MCC: variants seen among roughly 807,000 people sequenced by gnomAD.
MCC encodes the protein colorectal mutant cancer protein.
Under a neutral mutation model 116.2 loss-of-function variants are expected in MCC, and 90 were observed. The ratio of observed to expected loss-of-function variants is 0.77; its 90% confidence interval spans 0.65 to 0.92. The LOEUF is 0.92. MCC is among the 40% of genes least tolerant of loss of function. The pLI, the probability that MCC is intolerant of heterozygous loss-of-function variation, is 0.00. For missense variants in MCC, 1,516 were observed against 1,312.2 expected (o/e 1.16, Z -2.40); for synonymous variants, 578 against 510.5 (o/e 1.13, Z -1.78).
At chr5:113,064,438 T>G (rs115780514) in intron 13 of MCC, among the ~76,000 whole-genome samples, 2,022 of 152,358 alleles carry the variant, frequency 0.013, 36 homozygotes, top group Non-Finnish European at 0.017. Context: ...ACCACATTTC[T>G]GTTTCCAGCT....
chr5:113,300,220 G>A (rs1295704706), intron 3 of MCC, among the ~76,000 whole-genome samples: 2 of 152,118 alleles, frequency 1.3e-5, no homozygotes, highest in Non-Finnish European at 2.9e-5. Context: ...CTAGCACTAG[G>A]GAAACTGAAA....
In MCC at chr5:113,254,344, T is replaced by C. The variant is rs367577400; in HGVS notation, c.627+86175A>G. On this transcript the variant is annotated intron_variant, in intron 3 of 18. Transcript: ENST00000408903. The stretch of plus-strand genomic sequence containing the variant: ...AAAATATGTCTAAGAAAAAGGAAAA[T>C]AGAGTCCAAGAAAAGTAGAATTAAG... Among the ~76,000 whole-genome samples, 31 of 152,036 alleles carry C rather than the reference T, an allele frequency of 2.0e-4. 4 individuals carry two copies. Among genetic ancestry groups the C allele is most frequent in the Admixed American group, 7.2e-4 (11 of 15,270 alleles).
intron 1 of MCC, among the ~76,000 whole-genome samples, chr5:113,416,369 T>C (rs940772325): frequency 1.3e-5 from 2 of 152,016 alleles, no homozygotes; most frequent in Non-Finnish European, 1.5e-5. Flanking sequence ...TAGTGTGCTA[T>C]GATCACACCT....
intron 5 of MCC, among the ~76,000 whole-genome samples, chr5:113,134,058 G>C (rs911168202): frequency 1.3e-5 from 2 of 152,130 alleles, no homozygotes; most frequent in Non-Finnish European, 2.9e-5. Context: ...TTCCATTGCT[G>C]TGTGGAAGCT....
intron 3 of MCC, among the ~76,000 whole-genome samples, chr5:113,165,852 C>A (rs1162398504): frequency 6.6e-6 from 1 of 152,038 alleles, no homozygotes; most frequent in African/African-American, 2.4e-5. Context: ...AAATAGCACA[C>A]AGCTTCCCAG....
rs780543701 is a variant in MCC, at chr5:113,049,244, G to A, written c.2504C>T (p.Ala835Val). 6.2e-7 allele frequency: 1 copy of A among 1,612,950 alleles called. No homozygotes were observed. Among genetic ancestry groups the A allele is most frequent in the South Asian group, 1.1e-5 (1 of 90,804 alleles). The change falls in exon 16 of 19, where the codon GCC becomes GTC. Residue 835 changes from alanine to valine, a missense_variant. Physicochemically the swap from Ala to Val is moderately conservative, Grantham distance 64. Transcript: ENST00000408903. The part of the protein sequence containing the change: ...QLYLLEKEKK[A>V]LELKLSTREA... ...CCGCGTGCTCAGCTTCAGCTCCAGG[G>A]CCTTCTTCTCTTTCTCCAGTAGGTA... is the stretch of plus-strand genomic sequence containing the variant.
In MCC at chr5:113,345,269, G is replaced by GT. The variant is rs562863134; in HGVS notation, c.416-4540dup. 1.2e-3 allele frequency among the ~76,000 whole-genome samples: 180 copies of GT among 149,124 alleles called. 1 individual carries two copies. Among genetic ancestry groups the GT allele is most frequent in the Non-Finnish European group, 1.8e-3 (122 of 66,936 alleles). ...GAATAGAGTACCAGGTAGATTTTAC[G>GT]TTTTTTTTTTACTCCAATCCCTGGC... On this transcript the variant is annotated intron_variant, in intron 2 of 18. Coordinates refer to ENST00000408903, the MANE Select transcript of MCC (RefSeq NM_001085377.2).
chr5:113,387,268 A>G lies in MCC; in HGVS notation c.171-2056T>C, dbSNP rs1485286860. 4.6e-5 allele frequency among the ~76,000 whole-genome samples: 7 copies of G among 152,334 alleles called. No individual in the cohort carries two copies. The South Asian group carries it at 8.3e-4, about 18-fold the overall frequency. On this transcript the variant is annotated intron_variant, in intron 1 of 18. Transcript: ENST00000408903. ...TTATTGTTCATGCAAATTAAAGTTC[A>G]TTCTTAAGCTCAGATTTTGTGATTT...
intron 11 of MCC, among the ~76,000 whole-genome samples, chr5:113,077,278 A>G (rs1029793530): frequency 2.0e-5 from 3 of 152,328 alleles, no homozygotes; most frequent in African/African-American, 7.2e-5. Context: ...ATATCCAGGA[A>G]TTGAACTCAG....
chr5:113,310,455 A>C (rs1451488443), intron 3 of MCC, among the ~76,000 whole-genome samples: 1 of 152,240 alleles, frequency 6.6e-6, no homozygotes, highest in Non-Finnish European at 1.5e-5. Context: ...AAAATCACCT[A>C]GTCTGTGGTA....
At chr5:113,400,939 C>T (rs983498229) in intron 1 of MCC, among the ~76,000 whole-genome samples, 57 of 152,148 alleles carry the variant, frequency 3.7e-4, no homozygotes, top group African/African-American at 1.3e-3. Context: ...TATCAGTGTC[C>T]TTCCAAAAAT....
chr5:113,397,651 A>T (rs1769560576), intron 1 of MCC, among the ~76,000 whole-genome samples: 2 of 152,204 alleles, frequency 1.3e-5, no homozygotes, highest in Admixed American at 1.3e-4. Context: ...GAAGAATGAA[A>T]CTGTCCCCTT....
intron 6 of MCC, among the ~76,000 whole-genome samples, chr5:113,108,607 C>T (rs934692793): frequency 4.1e-5 from 6 of 144,918 alleles, no homozygotes; most frequent in African/African-American, 5.2e-5. Context: ...GAGCTGAGAT[C>T]GAGCCATTGC....
chr5:113,132,481 C>T (rs903903177), intron 5 of MCC, among the ~76,000 whole-genome samples: 80 of 95,890 alleles, frequency 8.3e-4, no homozygotes, highest in South Asian at 4.4e-3. Flanking sequence ...CACACACATA[C>T]ATATATATAT....
At position 113,475,824 on chromosome 5, in the gene MCC, GA is replaced by G. The variant is rs555911051; in HGVS notation, c.170+12420del. On this transcript the variant is annotated intron_variant, in intron 1 of 18. Coordinates refer to ENST00000408903, the MANE Select transcript of MCC (RefSeq NM_001085377.2). ...AGTAAAGGACTTTAAGACTTTAAGG[GA>G]AAATAAGTTTTCTCATGTTAGCTAG... is the stretch of plus-strand genomic sequence containing the variant. 4.6e-3 allele frequency among the ~76,000 whole-genome samples: 707 copies of G among 152,292 alleles called. 9 individuals are homozygous for G. The highest frequency in any genetic ancestry group is 0.016 in the African/African-American group (683 of 41,586).
At chr5:113,417,584 C>G (rs894408685) in intron 1 of MCC, among the ~76,000 whole-genome samples, 1 of 152,134 alleles carries the variant, frequency 6.6e-6, no homozygotes, top group Non-Finnish European at 1.5e-5. Context: ...TTCTAAAAGC[C>G]AATGACATTA....
At chr5:113,374,506 T>C (rs1223646169) in intron 2 of MCC, among the ~76,000 whole-genome samples, 1 of 152,160 alleles carries the variant, frequency 6.6e-6, no homozygotes, top group East Asian at 1.9e-4. Flanking sequence ...AGGCAGAGGA[T>C]AGTCAAAAGA....
At chr5:113,093,385 G>A (rs112418427) in intron 8 of MCC, among the ~76,000 whole-genome samples, 2,574 of 152,178 alleles carry the variant, frequency 0.017, 77 homozygotes, top group African/African-American at 0.059. Context: ...CGAGCGCACT[G>A]TGATTACACC....
intron 1 of MCC, among the ~76,000 whole-genome samples, chr5:113,392,051 G>T (rs1364796949): frequency 6.6e-6 from 1 of 152,074 alleles, no homozygotes; most frequent in Non-Finnish European, 1.5e-5. Flanking sequence ...ATGCAATAAG[G>T]AAAATATAAC....
Sources: gnomAD v4.1 joint callset for allele counts (sites outside exome capture counted in the v4.1 genomes callset) on GRCh38, gnomAD v4.1.1 for gene constraint, MANE v1.5 for transcripts, NCBI Gene and HGNC (gene_info 2026-07-23, HGNC 2026-07-21) for gene names.